CEP83: variants seen among roughly 807,000 people sequenced by gnomAD.
CEP83 encodes centrosomal protein of 83 kDa.
CEP83 carries 70 observed loss-of-function variants against 101.9 expected under a neutral mutation model. The observed-to-expected ratio is 0.69, with a 90% CI of 0.57 to 0.84. The LOEUF (loss-of-function observed/expected upper bound fraction) is 0.84. CEP83 is among the 40% of genes least tolerant of loss of function. CEP83 has a pLI of 0.00. For synonymous variants in CEP83, 264 were observed against 267.9 expected (o/e 0.99, Z 0.14); for missense variants, 715 against 787.2 (o/e 0.91, Z 1.10).
At chr12:94,303,672 G>C (rs1374372983), downstream of CEP83, 4 of 1,225,630 alleles carry the variant, frequency 3.3e-6, no homozygotes, top group Admixed American at 1.0e-4. Context: ...AGCTACATTG[G>C]AATATTATAA....
At chr12:94,415,356 C>A (rs1211698788) in intron 2 of CEP83, among the ~76,000 whole-genome samples, 1 of 151,920 alleles carries the variant, frequency 6.6e-6, no homozygotes, top group Non-Finnish European at 1.5e-5. Context: ...AAGGTCTGGG[C>A]AAATTATGAA....
At chr12:94,396,334 G>A (rs531687840) in intron 6 of CEP83, among the ~76,000 whole-genome samples, 11 of 143,382 alleles carry the variant, frequency 7.7e-5, no homozygotes, top group Non-Finnish European at 1.5e-4. Context: ...TGTCACCCAG[G>A]CTGGAGTGCG....
At chr12:94,429,400 A>G (rs1184481201) in intron 2 of CEP83, among the ~76,000 whole-genome samples, 1 of 152,120 alleles carries the variant, frequency 6.6e-6, no homozygotes, top group Non-Finnish European at 1.5e-5. Flanking sequence ...CCAGAGAGGG[A>G]GCTCACGCTG....
chr12:94,392,595 C>G (rs1318560843), intron 6 of CEP83, among the ~76,000 whole-genome samples: 2 of 152,040 alleles, frequency 1.3e-5, no homozygotes, highest in African/African-American at 4.8e-5. Context: ...GAAGCAAGAG[C>G]AAACACATTC....
At chr12:94,406,834 G>A (rs1395475713) in intron 4 of CEP83, among the ~76,000 whole-genome samples, 1 of 151,752 alleles carries the variant, frequency 6.6e-6, no homozygotes, top group Non-Finnish European at 1.5e-5. Context: ...GGCTAAGGCA[G>A]TAGAATGGTA....
chr12:94,335,440 T>C, intron 12 of CEP83, 149 bp downstream of exon 12: 1 of 589,154 alleles, frequency 1.7e-6, no homozygotes, highest in Non-Finnish European at 3.0e-6. Flanking sequence ...TTTAAAACAT[T>C]TTATCTTTAC....
chr12:94,445,419 G>C (rs1386327950), intron 1 of CEP83, among the ~76,000 whole-genome samples: 2 of 152,030 alleles, frequency 1.3e-5, no homozygotes, highest in Non-Finnish European at 2.9e-5. Flanking sequence ...TTTTGATCTT[G>C]GGTTAAGACT....
At chr12:94,305,185 T>C, downstream of CEP83, 1 of 1,598,010 alleles carries the variant, frequency 6.3e-7, no homozygotes, top group Non-Finnish European at 8.6e-7. Context: ...CAACAGATTC[T>C]AAATAAACTA....
chr12:94,410,029 T>C (rs1488398690), intron 4 of CEP83, among the ~76,000 whole-genome samples: 1 of 152,180 alleles, frequency 6.6e-6, no homozygotes. Flanking sequence ...CAACCCATAA[T>C]AGATTCAAAG....
intron 14 of CEP83, among the ~76,000 whole-genome samples, chr12:94,316,232 A>G (rs918148453): frequency 2.0e-5 from 3 of 152,032 alleles, no homozygotes; most frequent in Admixed American, 2.0e-4. Flanking sequence ...GTTCCTAGGT[A>G]TTTTAGGTAT....
chr12:94,399,664 T>G (rs985442248), intron 6 of CEP83, among the ~76,000 whole-genome samples: 1 of 152,164 alleles, frequency 6.6e-6, no homozygotes, highest in African/African-American at 2.4e-5. Context: ...GCTGAAGTTA[T>G]AGTGAGTTAT....
At chr12:94,424,693 G>C (rs1329104098) in intron 2 of CEP83, 2 of 1,610,686 alleles carry the variant, frequency 1.2e-6, no homozygotes, top group East Asian at 4.5e-5. Context: ...ATTTGTTTGT[G>C]GTCTTGTCCA....
At chr12:94,425,658 CCTT>C (rs1188122071) in intron 2 of CEP83, among the ~76,000 whole-genome samples, 2 of 152,054 alleles carry the variant, frequency 1.3e-5, no homozygotes, top group Non-Finnish European at 2.9e-5. Flanking sequence ...AGTGGTATCT[CCTT>C]ATGATTTTAA....
At chr12:94,283,608 T>C in the CEP83 span, among the ~76,000 whole-genome samples, 4 of 152,142 alleles carry the variant, frequency 2.6e-5, no homozygotes, top group Non-Finnish European at 5.9e-5. Context: ...GGATGAGAGT[T>C]TTTAAGGACA....
chr12:94,421,035 G>A (rs1238863050), intron 2 of CEP83, among the ~76,000 whole-genome samples: 1 of 151,624 alleles, frequency 6.6e-6, no homozygotes, highest in African/African-American at 2.4e-5. Flanking sequence ...TTTTCTATAT[G>A]TATATTATAA....
At chr12:94,312,753 T>G in intron 15 of CEP83, 161 bp downstream of exon 15, 1 of 983,392 alleles carries the variant, frequency 1.0e-6, no homozygotes, top group Non-Finnish European at 1.2e-6. Context: ...AAACATTCAG[T>G]TAGGGGGTAA....
At chr12:94,389,872 A>G (rs528102356) in intron 6 of CEP83, among the ~76,000 whole-genome samples, 99 of 152,324 alleles carry the variant, frequency 6.5e-4, no homozygotes, top group African/African-American at 2.2e-3. Flanking sequence ...CTGCTAGCAC[A>G]GCAGTCTGAG....
the CEP83 span, chr12:94,282,478 AG>A: frequency 1.1e-6 from 1 of 945,040 alleles, no homozygotes; most frequent in South Asian, 1.4e-5. Context: ...TAAAACATCC[AG>A]GACTCCCACC....
At chr12:94,298,619 G>GTCTA in the CEP83 span, 1 of 1,574,580 alleles carries the variant, frequency 6.4e-7, no homozygotes, top group Non-Finnish European at 8.6e-7. Context: ...ATCTGATGTT[G>GTCTA]TCTATCTTTC....
Sources: allele counts gnomAD v4.1 joint callset (sites outside exome capture counted in the v4.1 genomes callset), GRCh38; gene constraint gnomAD v4.1.1; transcripts MANE v1.5; gene names NCBI Gene and HGNC (gene_info 2026-07-23, HGNC 2026-07-21).